The following COL13A1 variants were observed in gnomAD, a reference collection of about 807,000 sequenced individuals.
COL13A1 encodes the protein collagen type XIII alpha 1 chain.
In COL13A1, 89 loss-of-function variants were observed where a neutral mutation model predicts 130.9. That is an observed-to-expected ratio of 0.68 (90% CI 0.57 to 0.81). The LOEUF is 0.81. Ranked by LOEUF, COL13A1 falls within the 30% of genes least tolerant of loss-of-function variation. COL13A1 has a pLI of 0.00. For missense variants in COL13A1, 879 were observed against 934.6 expected (o/e 0.94, Z 0.78); for synonymous variants, 402 against 341.6 (o/e 1.18, Z -1.95).
intron 2 of COL13A1, among the ~76,000 whole-genome samples, chr10:69,834,866 C>A (rs776282310): frequency 2.0e-5 from 3 of 152,168 alleles, no homozygotes; most frequent in Non-Finnish European, 2.9e-5. Flanking sequence ...GGGCTAGAAG[C>A]CCATTCTGAG....
rs1258420711 is a variant in COL13A1, at chr10:69,802,420, G to C, written c.-4G>C. The C allele has an allele frequency of 6.7e-7, 1 of 1,487,922 alleles. No individual in the cohort carries two copies. The highest frequency in any genetic ancestry group is 2.7e-5 in the East Asian group (1 of 36,630). 92.2% of individuals were successfully genotyped at this position (1,487,922 alleles called of 1,614,324 possible). On this transcript the variant is annotated 5_prime_UTR_variant, in exon 1 of 41. Coordinates refer to ENST00000645393, the MANE Select transcript of COL13A1 (RefSeq NM_001368882.1). Reference sequence around the variant, plus strand: ...TTATTTATTGGTTCTCAAGACGCGAGAGGATGGTAGCGGAGCGCACCCACA... The same window carrying C: ...TTATTTATTGGTTCTCAAGACGCGACAGGATGGTAGCGGAGCGCACCCACA...
chr10:69,930,202 A>G, intron 29 of COL13A1, 115 bp downstream of exon 29: 2 of 946,220 alleles, frequency 2.1e-6, no homozygotes, highest in Admixed American at 3.0e-5. Context: ...GGGCAAGGGA[A>G]GGGGAGATGG....
At chr10:69,876,120 G>A (rs563086953) in intron 5 of COL13A1, among the ~76,000 whole-genome samples, 11 of 152,320 alleles carry the variant, frequency 7.2e-5, no homozygotes, top group Admixed American at 3.9e-4. Context: ...GCTTGCTGGC[G>A]TTGTGCTAAG....
chr10:69,916,420 A>T (rs1398953110), intron 17 of COL13A1, among the ~76,000 whole-genome samples: 1 of 151,930 alleles, frequency 6.6e-6, no homozygotes, highest in African/African-American at 2.4e-5. Flanking sequence ...ATAGGATTCA[A>T]CTCCCAGAGC....
In COL13A1 at chr10:69,944,177, G is replaced by C; in HGVS notation, c.1967G>C (p.Arg656Thr). ...GGCCCAGCGGGACCAAAGGGCGAGA[G>C]GGTGAGTGTCACTGAGCCAGGGGCC... is the stretch of plus-strand genomic sequence containing the variant. ...VPGPAGPKGERGSKGDPGMTG... is the reference protein window; with the variant it reads ...VPGPAGPKGETGSKGDPGMTG... Residue 656 changes from arginine (R) to threonine (T), a missense_variant and splice_region_variant, in exon 36 of 41, where the codon AGG (arginine) becomes ACG (threonine). Transcript: ENST00000645393. The C allele has an allele frequency of 6.2e-7, 1 of 1,613,560 alleles. No homozygotes were observed. Among genetic ancestry groups the C allele is most frequent in the Non-Finnish European group, 8.5e-7 (1 of 1,179,678 alleles).
chr10:69,902,756 G>A lies in COL13A1; in HGVS notation c.759G>A (p.Gln253=). ...GTTTCCATGAACCTCAGGGCGAACA[G>A]AGCCAGGCCAGCATCCAAGGTCCAC... ...VIKRRTFQGE[Q]SQASIQGPPG... The change falls in exon 15 of 41, where the codon CAG becomes CAA. Residue 253 remains glutamine (Q), a synonymous_variant. Coordinates refer to ENST00000645393, the MANE Select transcript of COL13A1 (RefSeq NM_001368882.1). 3 of 1,552,440 alleles carry A rather than the reference G, an allele frequency of 1.9e-6. No homozygotes were observed. The highest frequency in any genetic ancestry group is 2.6e-6 in the Non-Finnish European group (3 of 1,148,204).
At chr10:69,828,468 C>G (rs1167957786) in intron 2 of COL13A1, among the ~76,000 whole-genome samples, 1 of 152,214 alleles carries the variant, frequency 6.6e-6, no homozygotes, top group Non-Finnish European at 1.5e-5. Context: ...GCTCATACCC[C>G]CCATCCCAAA....
At chr10:69,950,095 C>G (rs1482680790) in intron 38 of COL13A1, among the ~76,000 whole-genome samples, 2 of 151,790 alleles carry the variant, frequency 1.3e-5, no homozygotes, top group Non-Finnish European at 2.9e-5. Context: ...TGCTTCTCCC[C>G]CCAGATATGT....
At chr10:69,833,432 C>G (rs1260079032) in intron 2 of COL13A1, among the ~76,000 whole-genome samples, 1 of 152,214 alleles carries the variant, frequency 6.6e-6, no homozygotes, top group South Asian at 2.1e-4. Context: ...CAACAAGCAG[C>G]CTGGGTCCAC....
chr10:69,952,219 T>A (rs2069683081), intron 38 of COL13A1, among the ~76,000 whole-genome samples: 2 of 152,262 alleles, frequency 1.3e-5, no homozygotes, highest in South Asian at 4.2e-4. Context: ...GACACACACA[T>A]ACATATGTGC....
intron 2 of COL13A1, among the ~76,000 whole-genome samples, chr10:69,857,741 CCT>C (rs1248720578): frequency 1.3e-5 from 2 of 152,090 alleles, no homozygotes; most frequent in African/African-American, 2.4e-5. Flanking sequence ...GGAGGTGCTG[CCT>C]CTCTCTGTCT....
At chr10:69,949,520 C>A (rs966481475) in intron 38 of COL13A1, among the ~76,000 whole-genome samples, 11 of 152,172 alleles carry the variant, frequency 7.2e-5, no homozygotes, top group Non-Finnish European at 1.3e-4. Context: ...CAAGATACAA[C>A]CTTACAGGTA....
intron 2 of COL13A1, among the ~76,000 whole-genome samples, chr10:69,827,664 G>C (rs1277389996): frequency 1.3e-5 from 2 of 152,204 alleles, no homozygotes; most frequent in Non-Finnish European, 2.9e-5. Context: ...TTTCTTATGA[G>C]CTGCTATTTA....
At chr10:69,839,035 A>G (rs546239498) in intron 2 of COL13A1, among the ~76,000 whole-genome samples, 3 of 152,318 alleles carry the variant, frequency 2.0e-5, no homozygotes, top group East Asian at 1.9e-4. Flanking sequence ...CTAGAAACCC[A>G]TCCCCTGATT....
chr10:69,880,891 C>T (rs764661166), intron 7 of COL13A1, among the ~76,000 whole-genome samples: 62 of 152,220 alleles, frequency 4.1e-4, no homozygotes, highest in Non-Finnish European at 6.9e-4. Flanking sequence ...CCGGCTTTCC[C>T]GGGAACCAGC....
At chr10:69,935,010 C>T (rs2066639897) in intron 31 of COL13A1, among the ~76,000 whole-genome samples, 1 of 151,992 alleles carries the variant, frequency 6.6e-6, no homozygotes, top group African/African-American at 2.4e-5. Context: ...GCTCTAATTC[C>T]ACTCCAGGCT....
At chr10:69,955,215 C>G (rs1266655755) in intron 39 of COL13A1, 1 of 152,246 alleles carries the variant, frequency 6.6e-6, no homozygotes, top group Admixed American at 6.5e-5. Context: ...GCAGTAGGGA[C>G]TTTTTAGGAG....
intron 1 of COL13A1, among the ~76,000 whole-genome samples, chr10:69,817,522 C>T (rs1844884386): frequency 6.6e-6 from 1 of 151,896 alleles, no homozygotes; most frequent in Non-Finnish European, 1.5e-5. Context: ...TGCTGGGCTT[C>T]CGTTTGAGAT....
intron 3 of COL13A1, among the ~76,000 whole-genome samples, chr10:69,869,434 G>T (rs1012007328): frequency 6.6e-6 from 1 of 152,226 alleles, no homozygotes; most frequent in Non-Finnish European, 1.5e-5. Context: ...TCCTGCAAAA[G>T]AAGAATGCTG....
Sources: gnomAD v4.1 joint callset for allele counts (sites outside exome capture counted in the v4.1 genomes callset) on GRCh38, gnomAD v4.1.1 for gene constraint, MANE v1.5 for transcripts, NCBI Gene and HGNC (gene_info 2026-07-23, HGNC 2026-07-21) for gene names.